The following CMYA5 variants were observed in gnomAD, a reference collection of about 807,000 sequenced individuals.
CMYA5 encodes cardiomyopathy associated 5.
A neutral mutation model predicts 318.9 loss-of-function variants in CMYA5; 246 were observed. That is an observed-to-expected ratio of 0.77 (90% confidence interval 0.70 to 0.86). The LOEUF (loss-of-function observed/expected upper bound fraction) is 0.86, where lower values mean the gene tolerates loss of function less well. Ranked by LOEUF, CMYA5 falls within the 40% of genes least tolerant of loss-of-function variation. The pLI is 0.00. For synonymous variants in CMYA5, 1,641 were observed against 1,729.5 expected (o/e 0.95, Z 1.27); for missense variants, 4,589 against 4,678.2 (o/e 0.98, Z 0.56).
chr5:79,758,672 T>A (rs953653769), intron 6 of CMYA5, 81 bp from the exon 7 acceptor site: 19 of 1,202,498 alleles, frequency 1.6e-5, no homozygotes, highest in Non-Finnish European at 2.1e-5. Flanking sequence ...CTTTGAATAT[T>A]TTTCAACAAG....
rs111970021 is a variant in CMYA5, at chr5:79,722,608, C to T, written c.150-6307C>T. 2.5e-3 allele frequency among the ~76,000 whole-genome samples: 355 copies of T among 141,972 alleles called. 1 individual carries two copies. Among genetic ancestry groups the T allele is most frequent in the African/African-American group, 8.9e-3 (339 of 38,190 alleles). 93.1% of individuals were successfully genotyped at this position (141,972 alleles called of 152,430 possible). ...TGAAAGAATTGCTTGACCCAGGAGG[C>T]GAAGGTTGCAGGGAGCCAAGATTGT... On this transcript the variant is annotated intron_variant, in intron 1 of 12. Transcript: ENST00000446378.
intron 1 of CMYA5, among the ~76,000 whole-genome samples, chr5:79,714,391 T>G (rs538921190): frequency 2.0e-5 from 3 of 152,010 alleles, no homozygotes; most frequent in Admixed American, 2.0e-4. Flanking sequence ...AGTTTAAAGA[T>G]GTCTTTCTCT....
intron 1 of CMYA5, among the ~76,000 whole-genome samples, chr5:79,693,085 G>C (rs1407837070): frequency 1.3e-5 from 2 of 152,206 alleles, no homozygotes. Flanking sequence ...ATGCTACCTG[G>C]AAGGGTTGGA....
At position 79,735,266 on chromosome 5, in the gene CMYA5, T is replaced by C; in HGVS notation, c.6501T>C (p.Pro2167=). 6.2e-7 allele frequency: 1 copy of C among 1,613,834 alleles called. No individual in the cohort carries two copies. Among genetic ancestry groups the C allele is most frequent in the Non-Finnish European group, 8.5e-7 (1 of 1,179,808 alleles). Residue 2167 remains proline, a synonymous_variant, in exon 2 of 13, where the codon CCT becomes CCC. Transcript: ENST00000446378. ...CAAAGGTGGCTAAGCCGGACCTTCCTGAGGAAAAGGGAAAGAAAGGAATTT... is the reference window on the plus strand; with the variant it reads ...CAAAGGTGGCTAAGCCGGACCTTCCCGAGGAAAAGGGAAAGAAAGGAATTT... ...TQPKVAKPDL[P]EEKGKKGISS...
intron 11 of CMYA5, 103 bp from the exon 12 acceptor site, chr5:79,793,334 G>A (rs1829210472): frequency 1.7e-6 from 2 of 1,154,938 alleles, no homozygotes; most frequent in African/African-American, 1.5e-5. Flanking sequence ...GTTTCCAAGG[G>A]CAGAATCCTG....
Position 79,734,146 on chromosome 5 carries a change from C to T in CMYA5, c.5381C>T (p.Thr1794Ile), listed in dbSNP as rs757121663. The T allele has an allele frequency of 6.2e-7, 1 of 1,613,658 alleles. No individual in the cohort carries two copies. Among genetic ancestry groups the T allele is most frequent in the African/African-American group, 1.3e-5 (1 of 74,882 alleles). Residue 1794 changes from threonine to isoleucine, a missense_variant, in exon 2 of 13, where the codon ACA becomes ATA. Physicochemically the swap from Thr to Ile is moderately conservative, Grantham distance 89. Around this residue, in one of 3 missense-constraint regions of CMYA5, gnomAD observed 2,132 missense variants for 2,131.3 expected, o/e 1.00. Coordinates refer to ENST00000446378, the MANE Select transcript of CMYA5 (RefSeq NM_153610.5). ...GDILDKLSEE[T>I]GHPNSSQVLQ... Reference sequence around the variant, plus strand: ...ATTTTAGATAAGCTAAGTGAAGAAACAGGCCACCCAAATTCATCCCAGGTA... The same window carrying T: ...ATTTTAGATAAGCTAAGTGAAGAAATAGGCCACCCAAATTCATCCCAGGTA...
chr5:79,751,842 G>A (rs76016529), intron 5 of CMYA5, among the ~76,000 whole-genome samples: 6,173 of 152,248 alleles, frequency 0.041, 297 homozygotes, highest in African/African-American at 0.11. Flanking sequence ...TATTAGTAGC[G>A]TACTCTCTGA....
rs754246742 is a variant in CMYA5, at chr5:79,799,669, G to A, written c.*53G>A. 6.4e-7 allele frequency: 1 copy of A among 1,560,506 alleles called. No homozygotes were observed. The highest frequency in any genetic ancestry group is 1.2e-5 in the South Asian group (1 of 84,790). On this transcript the variant is annotated 3_prime_UTR_variant, in exon 13 of 13. Coordinates refer to ENST00000446378, the MANE Select transcript of CMYA5 (RefSeq NM_153610.5). ...AGCGATTTGAATTTTGGGGGGGTCT[G>A]CTGTTCATTCCTTTAGGTGCTATAC...
intron 3 of CMYA5, 84 bp from the exon 4 acceptor site, chr5:79,745,138 A>T: frequency 1.2e-6 from 1 of 842,908 alleles, no homozygotes; most frequent in Non-Finnish European, 1.8e-6. Flanking sequence ...TCAATTCTTT[A>T]AAAGGCTGGT....
chr5:79,791,127 G>T, intron 11 of CMYA5, 58 bp downstream of exon 11: 2 of 1,244,482 alleles, frequency 1.6e-6, no homozygotes, highest in Non-Finnish European at 2.3e-6. Context: ...GTCTTAGGGT[G>T]TGTCGCCTCA....
intron 1 of CMYA5, among the ~76,000 whole-genome samples, chr5:79,725,630 C>T (rs1159559019): frequency 1.3e-5 from 2 of 152,174 alleles, no homozygotes; most frequent in Non-Finnish European, 2.9e-5. Context: ...AAGCAGAGTG[C>T]GGTGGCTCAC....
At chr5:79,753,539 A>G (rs1828470750) in intron 6 of CMYA5, among the ~76,000 whole-genome samples, 1 of 152,096 alleles carries the variant, frequency 6.6e-6, no homozygotes, top group Non-Finnish European at 1.5e-5. Flanking sequence ...ACTTGAGCCT[A>G]AGGGTTCGAA....
chr5:79,756,271 A>C (rs1828526599), intron 6 of CMYA5, among the ~76,000 whole-genome samples: 1 of 152,134 alleles, frequency 6.6e-6, no homozygotes, highest in Non-Finnish European at 1.5e-5. Flanking sequence ...CTTAGCATGC[A>C]GTTCGCTCCT....
intron 7 of CMYA5, among the ~76,000 whole-genome samples, chr5:79,760,707 C>G (rs1053670810): frequency 6.6e-6 from 1 of 152,196 alleles, no homozygotes; most frequent in Non-Finnish European, 1.5e-5. Flanking sequence ...TCCTCCAACA[C>G]TGGGAATTAC....
intron 5 of CMYA5, among the ~76,000 whole-genome samples, 157 bp downstream of exon 5, chr5:79,747,270 A>G (rs1828347909): frequency 6.6e-6 from 1 of 152,234 alleles, no homozygotes; most frequent in Admixed American, 6.5e-5. Flanking sequence ...TAAAAGCTAA[A>G]TGACAGCTTT....
At position 79,735,141 on chromosome 5, in the gene CMYA5, G is replaced by A. The variant is rs770454140; in HGVS notation, c.6376G>A (p.Val2126Ile). 3.1e-6 allele frequency: 5 copies of A among 1,613,676 alleles called. No individual in the cohort carries two copies. The East Asian group carries it at 1.1e-4, about 36-fold the overall frequency. Residue 2126 changes from valine to isoleucine, a missense_variant, in exon 2 of 13, where the codon GTA becomes ATA. By Grantham distance (29) the Val-to-Ile change is conservative (BLOSUM62 3). Transcript: ENST00000446378. ...ADEGKKPSPEVKIPTQRKPIS... is the reference protein window; with the variant it reads ...ADEGKKPSPEIKIPTQRKPIS... ...TGAGGGAAAGAAACCATCACCTGAA[G>A]TAAAAATACCCACACAAAGAAAACC... is the stretch of plus-strand genomic sequence containing the variant.
At chr5:79,694,531 A>C (rs1467710362) in intron 1 of CMYA5, among the ~76,000 whole-genome samples, 3 of 152,164 alleles carry the variant, frequency 2.0e-5, no homozygotes, top group Non-Finnish European at 4.4e-5. Flanking sequence ...CTATTTAAGC[A>C]CAGAGGATTT....
rs35278462 is a variant in CMYA5 at position 79,795,308 on chromosome 5, C to T, written c.11963+1698C>T. Among the ~76,000 whole-genome samples the T allele has an allele frequency of 1.5e-3, 230 of 152,228 alleles. 1 individual carries two copies. Among genetic ancestry groups the T allele is most frequent in the African/African-American group, 5.1e-3 (213 of 41,532 alleles). On this transcript the variant is annotated intron_variant, in intron 12 of 12. Transcript: ENST00000446378. ...TGGGACTCTGAGAACGCTCCTGTGG[C>T]AGCCCCTCCTGTCTTCTACTTTTTC...
Position 79,731,167 on chromosome 5 carries a change from A to C in CMYA5, c.2402A>C (p.Tyr801Ser), listed in dbSNP as rs761400387. The C allele has an allele frequency of 1.2e-5, 20 of 1,614,018 alleles. No homozygotes were observed. Among genetic ancestry groups the C allele is most frequent in the Non-Finnish European group, 1.7e-5 (20 of 1,179,880 alleles). ...FTPDSKLISK[Y>S]AAPLNATQES... ...CCGGATTCAAAGTTGATCTCCAAAT[A>C]TGCAGCCCCACTCAATGCAACACAG... The change falls in exon 2 of 13, where the codon TAT (tyrosine) becomes TCT (serine). Residue 801 changes from tyrosine (Y) to serine (S), a missense_variant. This residue lies in a region of CMYA5 where 2,132 missense variants were observed against 2,131.3 expected (regional missense o/e 1.00). Transcript: ENST00000446378.
Sources: gnomAD v4.1 joint callset for allele counts (sites outside exome capture counted in the v4.1 genomes callset) on GRCh38, gnomAD v4.1.1 for gene constraint, gnomAD v4.1.1 regional missense constraint, MANE v1.5 for transcripts, NCBI Gene and HGNC (gene_info 2026-07-23, HGNC 2026-07-21) for gene names.